The following MACROD2 variants were observed in gnomAD, a reference collection of about 807,000 sequenced individuals.
MACROD2 encodes the protein mono-ADP ribosylhydrolase 2.
MACROD2 carries 36 observed loss-of-function variants against 70.4 expected under a neutral mutation model. The ratio of observed to expected loss-of-function variants is 0.51; its 90% CI spans 0.39 to 0.68. MACROD2 has a LOEUF of 0.68. MACROD2 is among the 30% of genes least tolerant of loss of function. MACROD2 has a pLI of 0.00. For synonymous variants in MACROD2, 172 were observed against 178.8 expected (o/e 0.96, Z 0.30); for missense variants, 496 against 538.4 (o/e 0.92, Z 0.78).
chr20:15,276,224 C>T (rs1234433763), intron 6 of MACROD2, among the ~76,000 whole-genome samples: 1 of 151,896 alleles, frequency 6.6e-6, no homozygotes, highest in East Asian at 1.9e-4. Flanking sequence ...CACGGTGAAA[C>T]CCCATCTCTA....
intron 8 of MACROD2, among the ~76,000 whole-genome samples, chr20:15,500,277 A>C (rs1377398818): frequency 6.6e-6 from 1 of 152,190 alleles, no homozygotes; most frequent in African/African-American, 2.4e-5. Flanking sequence ...CACTTCCCTA[A>C]AGTCACTTCT....
chr20:15,269,298 G>A (rs1309874882), intron 6 of MACROD2, among the ~76,000 whole-genome samples: 2 of 152,182 alleles, frequency 1.3e-5, no homozygotes, highest in African/African-American at 4.8e-5. Flanking sequence ...CTTGGATGAG[G>A]TTTCTCTTCC....
intron 8 of MACROD2, among the ~76,000 whole-genome samples, chr20:15,520,679 C>T (rs935451894): frequency 6.6e-6 from 1 of 152,132 alleles, no homozygotes; most frequent in African/African-American, 2.4e-5. Context: ...TATGGTATGC[C>T]GGGTCCCTCT....
At chr20:14,945,982 T>C (rs571027112) in intron 5 of MACROD2, among the ~76,000 whole-genome samples, 1 of 152,124 alleles carries the variant, frequency 6.6e-6, no homozygotes, top group African/African-American at 2.4e-5. Flanking sequence ...CCGAGGTGGG[T>C]GGATCACCTG....
At chr20:14,161,762 G>T (rs2055193882) in intron 3 of MACROD2, among the ~76,000 whole-genome samples, 2 of 151,216 alleles carry the variant, frequency 1.3e-5, no homozygotes, top group South Asian at 4.2e-4. Context: ...TATAGTCTTT[G>T]TTTCTTTCTT....
At chr20:14,557,760 T>G (rs1979135058) in intron 4 of MACROD2, among the ~76,000 whole-genome samples, 1 of 151,806 alleles carries the variant, frequency 6.6e-6, no homozygotes, top group Non-Finnish European at 1.5e-5. Context: ...ATTAGAACAC[T>G]TACCCATTGC....
rs199718599 is a variant in MACROD2, at chr20:15,009,793, C to A, written c.419-220147C>A. On this transcript the variant is annotated intron_variant, in intron 5 of 17. Transcript: ENST00000684519. The stretch of plus-strand genomic sequence containing the variant: ...CCCTATTTTTTTTTTTTTTTTTTTA[C>A]CACTGAATACATTGTTTCGGCTTAG... 6.0e-4 allele frequency among the ~76,000 whole-genome samples: 81 copies of A among 135,714 alleles called. 1 individual carries two copies. The East Asian group carries it at 0.015, about 25-fold the overall frequency. The allele number at this position is 135,714 out of a possible 152,430, so 89.0% of individuals were successfully genotyped here.
intron 3 of MACROD2, among the ~76,000 whole-genome samples, chr20:14,211,479 C>T (rs1479073899): frequency 6.6e-6 from 1 of 152,106 alleles, no homozygotes; most frequent in Non-Finnish European, 1.5e-5. Context: ...TATGCTACTC[C>T]AGAATCTACT....
chr20:15,062,582 A>G (rs2075541631), intron 5 of MACROD2, among the ~76,000 whole-genome samples: 2 of 152,130 alleles, frequency 1.3e-5, no homozygotes, highest in Admixed American at 1.3e-4. Context: ...GTGCTCCCGA[A>G]CTGAGCTAAA....
intron 6 of MACROD2, among the ~76,000 whole-genome samples, chr20:15,340,863 A>G (rs1355792309): frequency 6.6e-6 from 1 of 151,708 alleles, no homozygotes; most frequent in Non-Finnish European, 1.5e-5. Flanking sequence ...TATATGGTAA[A>G]TTTTTTGTAA....
At chr20:15,551,650 G>A (rs998343857) in intron 8 of MACROD2, among the ~76,000 whole-genome samples, 4 of 152,024 alleles carry the variant, frequency 2.6e-5, no homozygotes, top group South Asian at 2.1e-4. Flanking sequence ...AGGCCAAGGC[G>A]GGTGCATCAG....
chr20:14,454,236 C>T (rs2084275114), intron 3 of MACROD2, among the ~76,000 whole-genome samples: 1 of 151,298 alleles, frequency 6.6e-6, no homozygotes, highest in East Asian at 1.9e-4. Flanking sequence ...TATTTATATT[C>T]TCTGTTCATT....
At chr20:15,437,839 T>A (rs2046446146) in intron 7 of MACROD2, among the ~76,000 whole-genome samples, 1 of 152,200 alleles carries the variant, frequency 6.6e-6, no homozygotes, top group African/African-American at 2.4e-5. Context: ...TCTCCTTTTT[T>A]TTTATGGCTG....
intron 6 of MACROD2, among the ~76,000 whole-genome samples, chr20:15,356,700 C>T (rs1169676488): frequency 6.6e-6 from 1 of 152,184 alleles, no homozygotes; most frequent in Non-Finnish European, 1.5e-5. Flanking sequence ...ATGAGAATCA[C>T]TTGAACCTGG....
At chr20:15,776,223 G>A (rs1304433272) in intron 8 of MACROD2, among the ~76,000 whole-genome samples, 4 of 152,130 alleles carry the variant, frequency 2.6e-5, no homozygotes, top group African/African-American at 9.7e-5. Flanking sequence ...TGGTCCATGT[G>A]TTCATGTCTT....
intron 6 of MACROD2, among the ~76,000 whole-genome samples, chr20:15,260,988 T>C (rs1013113233): frequency 2.0e-5 from 3 of 151,986 alleles, no homozygotes; most frequent in Non-Finnish European, 2.9e-5. Context: ...TCTTGCAGTA[T>C]TTTTTCCAGG....
At chr20:14,998,197 C>G (rs1422883125) in intron 5 of MACROD2, among the ~76,000 whole-genome samples, 3 of 152,134 alleles carry the variant, frequency 2.0e-5, no homozygotes, top group African/African-American at 4.8e-5. Context: ...ATTTAATATT[C>G]AGTGCTCAGA....
chr20:15,607,780 C>A (rs1185224103), intron 8 of MACROD2, among the ~76,000 whole-genome samples: 1 of 152,140 alleles, frequency 6.6e-6, no homozygotes, highest in Non-Finnish European at 1.5e-5. Context: ...GTGATCTACC[C>A]GCCTCGGCCT....
chr20:16,012,777 G>C (rs1339420618), intron 15 of MACROD2, among the ~76,000 whole-genome samples: 1 of 152,194 alleles, frequency 6.6e-6, no homozygotes, highest in South Asian at 2.1e-4. Context: ...GGGAGAGCAC[G>C]TGTGACAGAA....
Sources: allele counts gnomAD v4.1 joint callset (sites outside exome capture counted in the v4.1 genomes callset), GRCh38; gene constraint gnomAD v4.1.1; transcripts MANE v1.5; gene names NCBI Gene and HGNC (gene_info 2026-07-23, HGNC 2026-07-21).